Variants in EIF4G3 observed in about 807,000 individuals in gnomAD.
The protein encoded by EIF4G3 is eukaryotic translation initiation factor 4 gamma 3, also known as eIF-4-gamma 3.
In EIF4G3, 34 loss-of-function variants were observed where a neutral mutation model predicts 186.4. That is an observed-to-expected ratio of 0.18 (90% confidence interval 0.14 to 0.24). The LOEUF is 0.24. EIF4G3 is among the 10% of genes least tolerant of loss of function. The pLI, the probability that EIF4G3 is intolerant of heterozygous loss-of-function variation, is 1.00. For missense variants in EIF4G3, 1,536 were observed against 1,948.5 expected (o/e 0.79, Z 3.99); for synonymous variants, 673 against 679.5 (o/e 0.99, Z 0.15).
At chr1:21,122,066 G>T (rs1355432258) in intron 2 of EIF4G3, among the ~76,000 whole-genome samples, 1 of 152,126 alleles carries the variant, frequency 6.6e-6, no homozygotes, top group Non-Finnish European at 1.5e-5. Context: ...CTGAACCCAG[G>T]TCACATGAGC....
chr1:20,943,876 A>T (rs2095812784), intron 13 of EIF4G3, among the ~76,000 whole-genome samples: 1 of 152,100 alleles, frequency 6.6e-6, no homozygotes. Context: ...TACTGCAGTG[A>T]TGAAATAGAA....
intron 2 of EIF4G3, among the ~76,000 whole-genome samples, chr1:21,163,372 C>T (rs1363215041): frequency 6.6e-6 from 1 of 152,126 alleles, no homozygotes; most frequent in Non-Finnish European, 1.5e-5. Context: ...TGAAAAAGAT[C>T]AACAATGTAA....
At chr1:20,927,172 T>A (rs966502805) in intron 14 of EIF4G3, among the ~76,000 whole-genome samples, 4 of 151,762 alleles carry the variant, frequency 2.6e-5, no homozygotes, top group African/African-American at 7.3e-5. Flanking sequence ...GCCTCCTGAG[T>A]AGCTGGGATT....
chr1:20,846,062 G>A (rs919459923), intron 29 of EIF4G3, among the ~76,000 whole-genome samples: 2 of 152,022 alleles, frequency 1.3e-5, no homozygotes, highest in East Asian at 3.9e-4. Context: ...TCTTTTTGTG[G>A]CAATTGTGAA....
At chr1:20,959,202 G>A (rs1268006660) in intron 12 of EIF4G3, among the ~76,000 whole-genome samples, 1 of 152,020 alleles carries the variant, frequency 6.6e-6, no homozygotes, top group Non-Finnish European at 1.5e-5. Context: ...AATAACTAAT[G>A]GAACAGAATA....
intron 19 of EIF4G3, 87 bp downstream of exon 19, chr1:20,886,114 A>G: frequency 7.1e-7 from 1 of 1,416,288 alleles, no homozygotes; most frequent in Non-Finnish European, 9.6e-7. Flanking sequence ...TAAACTGATT[A>G]TCTCTAGAAA....
At chr1:20,940,849 G>T (rs933619319) in intron 14 of EIF4G3, among the ~76,000 whole-genome samples, 3 of 152,020 alleles carry the variant, frequency 2.0e-5, no homozygotes, top group African/African-American at 2.4e-5. Context: ...ACATTAAAAA[G>T]AAATAATTTG....
intron 11 of EIF4G3, among the ~76,000 whole-genome samples, chr1:20,970,585 C>G (rs928162748): frequency 1.3e-5 from 2 of 151,938 alleles, no homozygotes; most frequent in African/African-American, 4.8e-5. Context: ...TGCACTCCAG[C>G]CTGGGCGACA....
At chr1:20,981,832 TAAA>T (rs2078352427) in intron 8 of EIF4G3, among the ~76,000 whole-genome samples, 1 of 151,886 alleles carries the variant, frequency 6.6e-6, no homozygotes, top group Non-Finnish European at 1.5e-5. Flanking sequence ...ATATGTATAA[TAAA>T]GTATAACAAA....
At chr1:20,883,744 G>A (rs1033711373) in intron 19 of EIF4G3, among the ~76,000 whole-genome samples, 2 of 152,184 alleles carry the variant, frequency 1.3e-5, no homozygotes, top group African/African-American at 4.8e-5. Flanking sequence ...ACTTTAGGAA[G>A]GAATTGTTAA....
At chr1:21,168,594 T>C (rs2097901985) in intron 2 of EIF4G3, among the ~76,000 whole-genome samples, 1 of 151,696 alleles carries the variant, frequency 6.6e-6, no homozygotes, top group Non-Finnish European at 1.5e-5. Context: ...GGCAAACTAT[T>C]TTTTAATTTT....
At chr1:21,135,258 G>A (rs761110220) in intron 2 of EIF4G3, among the ~76,000 whole-genome samples, 18 of 152,180 alleles carry the variant, frequency 1.2e-4, no homozygotes, top group African/African-American at 1.7e-4. Flanking sequence ...CCAGCACTTC[G>A]GGAGACCAAG....
Position 20,835,711 on chromosome 1 carries a change from G to A in EIF4G3, c.4061+5145C>T, listed in dbSNP as rs144943955. 2.4e-3 allele frequency among the ~76,000 whole-genome samples: 361 copies of A among 152,236 alleles called. 3 individuals carry two copies. The East Asian group carries it at 0.04, about 17-fold the overall frequency. On this transcript the variant is annotated intron_variant, in intron 30 of 36. Coordinates refer to ENST00000602326, the MANE Select transcript of EIF4G3 (RefSeq NM_001391906.1). ...TCCCAGCACTTTGAGAGGCCAAGGT[G>A]GAAGGATCATTTGTCTAGGAGTGCA... is the stretch of plus-strand genomic sequence containing the variant.
At chr1:20,813,064 G>T in intron 35 of EIF4G3, 94 bp downstream of exon 35, 2 of 874,074 alleles carry the variant, frequency 2.3e-6, no homozygotes, top group Non-Finnish European at 3.6e-6. Flanking sequence ...CATAGGAGAA[G>T]TTTTGAAAAC....
intron 14 of EIF4G3, among the ~76,000 whole-genome samples, chr1:20,923,378 C>T (rs1159722874): frequency 1.3e-5 from 2 of 152,056 alleles, no homozygotes; most frequent in Non-Finnish European, 2.9e-5. Context: ...TCTTCTAGGC[C>T]TCTGTTTTTA....
Position 21,148,788 on chromosome 1 carries a change from A to T in EIF4G3, c.-272+27387T>A, listed in dbSNP as rs541836517. Among the ~76,000 whole-genome samples the T allele has an allele frequency of 1.2e-3, 189 of 152,008 alleles. 1 individual carries two copies. The highest frequency in any genetic ancestry group is 4.3e-3 in the African/African-American group (179 of 41,478). On this transcript the variant is annotated intron_variant, in intron 2 of 36. Coordinates refer to ENST00000602326, the MANE Select transcript of EIF4G3 (RefSeq NM_001391906.1). The stretch of plus-strand genomic sequence containing the variant: ...GGTGGGAGGATAGCCAGGAGTTCAA[A>T]GCCAGCCTAGGAAACACAGCAAGAT...
chr1:20,966,377 G>T (rs1057100650), intron 12 of EIF4G3, among the ~76,000 whole-genome samples: 1 of 152,016 alleles, frequency 6.6e-6, no homozygotes, highest in Non-Finnish European at 1.5e-5. Context: ...CTGGCAGATT[G>T]CTATTTTGTT....
intron 22 of EIF4G3, 104 bp downstream of exon 22, chr1:20,864,372 G>T (rs1303064898): frequency 4.7e-6 from 4 of 852,236 alleles, no homozygotes; most frequent in African/African-American, 3.4e-5. Context: ...AAAATAAACA[G>T]CCCAGACCTT....
intron 4 of EIF4G3, among the ~76,000 whole-genome samples, chr1:21,029,108 C>A (rs956451008): frequency 2.0e-5 from 3 of 152,100 alleles, no homozygotes; most frequent in African/African-American, 4.8e-5. Flanking sequence ...ACCTCCACCC[C>A]CTAGGTCCAA....
Sources: gnomAD v4.1 joint callset for allele counts (sites outside exome capture counted in the v4.1 genomes callset) on GRCh38, gnomAD v4.1.1 for gene constraint, MANE v1.5 for transcripts, NCBI Gene and HGNC (gene_info 2026-07-23, HGNC 2026-07-21) for gene names.